Variants in LRP2 observed in about 807,000 individuals in gnomAD.
LRP2 encodes the protein LDL receptor related protein 2.
In LRP2, 172 loss-of-function variants were observed where a neutral mutation model predicts 531.0. The observed-to-expected ratio is 0.32, with a 90% confidence interval of 0.29 to 0.37. The LOEUF (loss-of-function observed/expected upper bound fraction) is 0.37. LRP2 is among the 10% of genes least tolerant of loss of function. The pLI, the probability that LRP2 is intolerant of heterozygous loss-of-function variation, is 1.00. For synonymous variants in LRP2, 1,992 were observed against 2,027.6 expected, an observed-to-expected ratio of 0.98 and a Z score of 0.47; for missense variants, 5,167 against 5,868.3, an observed-to-expected ratio of 0.88 and a Z score of 3.90.
intron 70 of LRP2, 35 bp from the exon 71 acceptor site, chr2:169,142,828 A>C: frequency 6.2e-7 from 1 of 1,612,532 alleles, no homozygotes; most frequent in African/African-American, 1.3e-5. Context: ...TTAGGTCCTG[A>C]CAGAATGAAT....
At chr2:169,328,452 A>AGG (rs1553515048) in intron 1 of LRP2, among the ~76,000 whole-genome samples, 2 of 87,038 alleles carry the variant, frequency 2.3e-5, no homozygotes, top group African/African-American at 1.1e-4. Flanking sequence ...AAAAAAAAAA[A>AGG]AAAAAAAAAA....
At chr2:169,255,518 G>A (rs983672643) in intron 19 of LRP2, among the ~76,000 whole-genome samples, 1 of 127,882 alleles carries the variant, frequency 7.8e-6, no homozygotes, top group African/African-American at 2.8e-5. Context: ...TATTTGGAAA[G>A]GTTGACGAAA....
At chr2:169,211,710 T>C (rs1184938256) in intron 37 of LRP2, among the ~76,000 whole-genome samples, 1 of 152,142 alleles carries the variant, frequency 6.6e-6, no homozygotes, top group Non-Finnish European at 1.5e-5. Flanking sequence ...GGAGTGCAGA[T>C]TCTCTGGCCC....
At chr2:169,272,456 T>C (rs541143458) in intron 15 of LRP2, among the ~76,000 whole-genome samples, 1 of 152,180 alleles carries the variant, frequency 6.6e-6, no homozygotes, top group Non-Finnish European at 1.5e-5. Context: ...CCAGATAAGA[T>C]TCAGATGTGA....
intron 37 of LRP2, 98 bp from the exon 38 acceptor site, chr2:169,209,739 C>T: frequency 2.8e-6 from 3 of 1,087,642 alleles, no homozygotes; most frequent in Non-Finnish European, 4.1e-6. Context: ...CAACCCCCTG[C>T]TCTGAGCATC....
intron 15 of LRP2, among the ~76,000 whole-genome samples, chr2:169,271,981 G>A (rs982321283): frequency 3.9e-5 from 6 of 152,044 alleles, no homozygotes; most frequent in African/African-American, 7.2e-5. Flanking sequence ...TCGCAGTAAC[G>A]GAATTTAAAA....
rs556567470 is a variant in LRP2 at position 169,213,515 on chromosome 2, A to G, written c.6040+142T>C. Reference sequence around the variant, plus strand: ...TAACCATGTTTAAGACTTCATTATCATTTTTTAAATATTTCAGGTAACTTC... The same window carrying G: ...TAACCATGTTTAAGACTTCATTATCGTTTTTTAAATATTTCAGGTAACTTC... On this transcript the variant is annotated intron_variant, in intron 36 of 78. Transcript: ENST00000649046. The G allele has an allele frequency of 2.0e-5, 16 of 786,080 alleles. No homozygotes were observed. In the Admixed American group the frequency reaches 3.0e-4, roughly 15 times the overall value. 48.7% of individuals were successfully genotyped at this position (786,080 alleles called of 1,614,324 possible). A position where few individuals can be genotyped will look rare whatever the true frequency, so the allele number is the denominator to read the frequency against.
At position 169,242,949 on chromosome 2, in the gene LRP2, T is replaced by C; in HGVS notation, c.3667+7A>G. On this transcript the variant is annotated splice_region_variant and intron_variant, in intron 24 of 78. Coordinates refer to ENST00000649046, the MANE Select transcript of LRP2 (RefSeq NM_004525.3). ...TGTCTGAAACATTCTGGGTATGTGT[T>C]ACTTACGACAGCCTGCTTCATCCGA... 1 of 1,603,472 alleles carries C rather than the reference T, an allele frequency of 6.2e-7. No homozygotes were observed.
At chr2:169,139,731 A>C in intron 72 of LRP2, 121 bp from the exon 73 acceptor site, 1 of 854,464 alleles carries the variant, frequency 1.2e-6, no homozygotes, top group Non-Finnish European at 2.0e-6. Context: ...TGAACAGACA[A>C]TGTATCCTGC....
chr2:169,264,126 G>A (rs1690692559), intron 16 of LRP2, among the ~76,000 whole-genome samples: 2 of 152,004 alleles, frequency 1.3e-5, no homozygotes, highest in Admixed American at 1.3e-4. Context: ...GATAGCATTG[G>A]GAGATATAAC....
chr2:169,173,983 C>T lies in LRP2; in HGVS notation c.10950G>A (p.Gln3650=). The T allele has an allele frequency of 1.2e-6, 2 of 1,614,238 alleles. No homozygotes were observed. The highest frequency in any genetic ancestry group is 2.7e-5 in the African/African-American group (2 of 75,052). ...FRCANGRCIP[Q]AWKCDVDNDC... ...CATTATCCACATCACACTTCCAGGC[C>T]TGCGGGATGCAGCGGCCATTAGCAC... The change falls in exon 56 of 79, where the codon CAG becomes CAA. Residue 3650 remains glutamine (Q), a synonymous_variant. Transcript: ENST00000649046.
At position 169,176,584 on chromosome 2, in the gene LRP2, G is replaced by T. The variant is rs148506069; in HGVS notation, c.10398C>A (p.Ser3466Arg). ...CACCATTGTTGGTACCACAGGGATT[G>T]CTCACTAGTGGAAAAGGAAGAAAAT... ...VYHPYRQPIV[S>R]NPCGTNNGGC... Residue 3466 changes from serine (S) to arginine (R), a missense_variant, in exon 54 of 79, where the codon AGC (serine) becomes AGA (arginine). By Grantham distance (110) the Ser-to-Arg change is moderately radical. Around this residue, in one of 6 missense-constraint regions of LRP2, gnomAD observed 1,129 missense variants for 1,362.7 expected, o/e 0.83. Transcript: ENST00000649046. The T allele has an allele frequency of 1.6e-4, 251 of 1,613,892 alleles. No homozygotes were observed. The highest frequency in any genetic ancestry group is 2.0e-4 in the Non-Finnish European group (233 of 1,179,932).
At chr2:169,203,831 T>C in intron 42 of LRP2, 151 bp downstream of exon 42, 1 of 753,826 alleles carries the variant, frequency 1.3e-6, no homozygotes, top group Non-Finnish European at 2.2e-6. Context: ...CAAGTCTTCC[T>C]CTCAAAATAT....
chr2:169,164,101 A>C (rs1686691063), intron 62 of LRP2, among the ~76,000 whole-genome samples: 1 of 152,190 alleles, frequency 6.6e-6, no homozygotes, highest in African/African-American at 2.4e-5. Context: ...CTGTGCTAAC[A>C]TGTGTCATCC....
chr2:169,213,587 C>T (rs1456486626), intron 36 of LRP2, 70 bp downstream of exon 36: 2 of 1,234,498 alleles, frequency 1.6e-6, no homozygotes, highest in Non-Finnish European at 2.4e-6. Flanking sequence ...TGGGTGTGTG[C>T]TTACAAATGT....
At chr2:169,247,341 T>C (rs1392096803) in intron 20 of LRP2, 37 bp downstream of exon 20, 5 of 1,610,808 alleles carry the variant, frequency 3.1e-6, no homozygotes, top group East Asian at 2.2e-5. Context: ...AATAAACCCA[T>C]ACAAAAAAAT....
Position 169,206,239 on chromosome 2 carries a change from G to A in LRP2, c.7391-51C>T, listed in dbSNP as rs188013102. The A allele has an allele frequency of 2.2e-4, 349 of 1,612,462 alleles. No individual in the cohort carries two copies. In the African/African-American group the frequency reaches 3.8e-3, roughly 18 times the overall value. ...CACAAGCACACACAAAGACATTAGAGTCTCATATGCATTAGAAACACTCAG... is the reference window on the plus strand; with the variant it reads ...CACAAGCACACACAAAGACATTAGAATCTCATATGCATTAGAAACACTCAG... On this transcript the variant is annotated intron_variant, in intron 39 of 78. Transcript: ENST00000649046.
intron 68 of LRP2, among the ~76,000 whole-genome samples, chr2:169,149,260 T>C (rs1251001871): frequency 6.6e-6 from 1 of 152,226 alleles, no homozygotes; most frequent in Non-Finnish European, 1.5e-5. Context: ...CACTTCTCAT[T>C]GCTGTTGCTG....
chr2:169,240,863 G>A (rs1278766893), intron 25 of LRP2, 125 bp downstream of exon 25: 2 of 1,124,458 alleles, frequency 1.8e-6, no homozygotes, highest in Non-Finnish European at 2.7e-6. Context: ...CTACACAGAT[G>A]TGAACTCATA....
Sources: allele counts gnomAD v4.1 joint callset (sites outside exome capture counted in the v4.1 genomes callset), GRCh38; gene constraint gnomAD v4.1.1; regional missense constraint gnomAD v4.1.1; transcripts MANE v1.5; gene names NCBI Gene and HGNC (gene_info 2026-07-23, HGNC 2026-07-21).